The following ARHGAP10 variants were observed in gnomAD, a reference collection of about 807,000 sequenced individuals.
ARHGAP10 encodes rho GTPase-activating protein 10.
ARHGAP10 carries 87 observed loss-of-function variants against 108.6 expected under a neutral mutation model. That is an observed-to-expected ratio of 0.80 (90% CI 0.67 to 0.96). The LOEUF (loss-of-function observed/expected upper bound fraction) is 0.96, where lower values mean the gene tolerates loss of function less well. Among genes scored for constraint, ARHGAP10 ranks in the 40% least tolerant of loss-of-function variants. ARHGAP10 has a pLI of 0.00. For missense variants in ARHGAP10, 939 were observed against 954.5 expected (o/e 0.98, Z 0.21); for synonymous variants, 347 against 341.1 (o/e 1.02, Z -0.19).
intron 18 of ARHGAP10, among the ~76,000 whole-genome samples, chr4:148,002,170 T>C (rs1024168175): frequency 4.9e-4 from 74 of 152,204 alleles, no homozygotes; most frequent in Admixed American, 4.7e-3. Flanking sequence ...ATTGAGATAA[T>C]CATGTGGTTT....
intron 3 of ARHGAP10, among the ~76,000 whole-genome samples, chr4:147,827,194 A>T (rs975889201): frequency 1.3e-5 from 2 of 150,874 alleles, no homozygotes; most frequent in African/African-American, 2.4e-5. Context: ...TTTTTTTTTA[A>T]AGTGGAATCA....
chr4:147,878,774 CT>C (rs11384854), intron 8 of ARHGAP10, among the ~76,000 whole-genome samples: 1,399 of 124,818 alleles, frequency 0.011, 3 homozygotes, highest in African/African-American at 0.029. Context: ...CCTTCTTCCT[CT>C]TTTTTTTTTT....
chr4:147,956,482 A>C (rs1024225675), intron 16 of ARHGAP10, among the ~76,000 whole-genome samples: 6 of 152,098 alleles, frequency 3.9e-5, no homozygotes, highest in African/African-American at 1.4e-4. Context: ...TGGGGAGAGG[A>C]TTTTTTAAAA....
intron 1 of ARHGAP10, among the ~76,000 whole-genome samples, chr4:147,766,814 A>ATT (rs1729842171): frequency 7.1e-4 from 4 of 5,636 alleles, no homozygotes; most frequent in Non-Finnish European, 0.01. Flanking sequence ...ATATATATAT[A>ATT]TATATATATA....
intron 3 of ARHGAP10, among the ~76,000 whole-genome samples, chr4:147,833,182 CTG>C (rs1479103516): frequency 6.6e-6 from 1 of 152,128 alleles, no homozygotes; most frequent in Non-Finnish European, 1.5e-5. Flanking sequence ...CGGTTTGGCT[CTG>C]TGTCCCCACC....
At chr4:147,906,550 A>AG in intron 10 of ARHGAP10, 88 bp from the exon 11 acceptor site, 2 of 1,341,880 alleles carry the variant, frequency 1.5e-6, no homozygotes, top group South Asian at 1.3e-5. Flanking sequence ...TAAAAGTAAA[A>AG]AAAAAATGGT....
At chr4:147,961,626 T>G (rs1739001235) in intron 16 of ARHGAP10, among the ~76,000 whole-genome samples, 1 of 152,204 alleles carries the variant, frequency 6.6e-6, no homozygotes, top group African/African-American at 2.4e-5. Context: ...TCTTGTTTTT[T>G]TTTGCTTTCT....
chr4:147,850,408 C>G (rs563232824), intron 4 of ARHGAP10, among the ~76,000 whole-genome samples: 1 of 152,320 alleles, frequency 6.6e-6, no homozygotes, highest in African/African-American at 2.4e-5. Context: ...TCTTTGGGTC[C>G]ACACTACCTT....
chr4:148,037,342 A>C (rs1323295088), intron 19 of ARHGAP10, among the ~76,000 whole-genome samples: 4 of 152,226 alleles, frequency 2.6e-5, no homozygotes, highest in Non-Finnish European at 5.9e-5. Flanking sequence ...AGGGAGGAAG[A>C]GGCTGTGGAC....
At chr4:147,790,528 G>A (rs561722514) in intron 1 of ARHGAP10, among the ~76,000 whole-genome samples, 48 of 152,274 alleles carry the variant, frequency 3.2e-4, no homozygotes, top group African/African-American at 1.1e-3. Context: ...AATATTCAGA[G>A]GTGACTAGAT....
At chr4:147,851,255 AT>A (rs34340295) in intron 4 of ARHGAP10, among the ~76,000 whole-genome samples, 100,835 of 148,506 alleles carry the variant, frequency 0.68, 39,860 homozygotes, top group Non-Finnish European at 0.87. Context: ...ATGACTAATA[AT>A]TTTTTTTTTT....
At chr4:147,842,729 T>A (rs1049374721) in intron 3 of ARHGAP10, among the ~76,000 whole-genome samples, 2 of 152,152 alleles carry the variant, frequency 1.3e-5, no homozygotes, top group African/African-American at 4.8e-5. Context: ...CCTCCTCTGC[T>A]CCCCAGAAGC....
chr4:147,987,509 A>C (rs1203385060), intron 18 of ARHGAP10, among the ~76,000 whole-genome samples: 1 of 152,162 alleles, frequency 6.6e-6, no homozygotes, highest in Admixed American at 6.5e-5. Context: ...GCCCAGCAGC[A>C]CTGAGAACTG....
intron 10 of ARHGAP10, among the ~76,000 whole-genome samples, chr4:147,896,330 G>C (rs1054882821): frequency 6.6e-6 from 1 of 152,062 alleles, no homozygotes; most frequent in Non-Finnish European, 1.5e-5. Context: ...TCTTTGCCTA[G>C]AGTTTTCTTG....
At chr4:147,994,191 A>C (rs1228213014) in intron 18 of ARHGAP10, among the ~76,000 whole-genome samples, 2 of 152,238 alleles carry the variant, frequency 1.3e-5, no homozygotes, top group Admixed American at 6.5e-5. Context: ...ATAGTGTTTC[A>C]GTCAACATTA....
chr4:147,787,966 C>T (rs1444926481), intron 1 of ARHGAP10, among the ~76,000 whole-genome samples: 1 of 152,098 alleles, frequency 6.6e-6, no homozygotes, highest in Non-Finnish European at 1.5e-5. Context: ...AAAATCAGGG[C>T]TAAGAATTTA....
At chr4:147,982,579 T>A (rs1453901051) in intron 18 of ARHGAP10, among the ~76,000 whole-genome samples, 1 of 146,044 alleles carries the variant, frequency 6.8e-6, no homozygotes, top group Non-Finnish European at 1.5e-5. Flanking sequence ...TTTGGTATTT[T>A]GTGTTGAGAT....
chr4:147,991,128 A>G (rs961158824), intron 18 of ARHGAP10, among the ~76,000 whole-genome samples: 1 of 150,244 alleles, frequency 6.7e-6, no homozygotes, highest in Non-Finnish European at 1.5e-5. Flanking sequence ...ACAAACCTGC[A>G]TGTGTACCCC....
chr4:148,013,901 C>T (rs375423728), intron 18 of ARHGAP10, among the ~76,000 whole-genome samples: 72 of 152,278 alleles, frequency 4.7e-4, no homozygotes, highest in African/African-American at 1.6e-3. Context: ...AGAGGAAGTC[C>T]TCTTCTTGGG....
Sources: allele counts gnomAD v4.1 joint callset (sites outside exome capture counted in the v4.1 genomes callset), GRCh38; gene constraint gnomAD v4.1.1; transcripts MANE v1.5; gene names NCBI Gene and HGNC (gene_info 2026-07-23, HGNC 2026-07-21).